IL1RAPL1: variants seen among roughly 807,000 people sequenced by gnomAD.
The protein encoded by IL1RAPL1 is interleukin 1 receptor accessory protein like 1.
In IL1RAPL1, 3 loss-of-function variants were observed where a neutral mutation model predicts 48.4. The ratio of observed to expected loss-of-function variants is 0.06; its 90% CI spans 0.03 to 0.16. The LOEUF (loss-of-function observed/expected upper bound fraction) is 0.16. Among genes scored for constraint, IL1RAPL1 ranks in the 10% least tolerant of loss-of-function variants. IL1RAPL1 has a pLI of 1.00. For missense variants in IL1RAPL1, 349 were observed against 530.6 expected, an observed-to-expected ratio of 0.66 and a Z score of 3.36; for synonymous variants, 185 against 187.7, an observed-to-expected ratio of 0.99 and a Z score of 0.12.
intron 2 of IL1RAPL1, among the ~76,000 whole-genome samples, chrX:29,148,883 G>A (rs1929402743): frequency 9.0e-6 from 1 of 111,453 alleles, no homozygotes; most frequent in South Asian, 3.8e-4. Flanking sequence ...AACGTACCCA[G>A]ATAATACCAG....
intron 5 of IL1RAPL1, among the ~76,000 whole-genome samples, chrX:29,493,827 C>G (rs1477345851): frequency 1.8e-5 from 2 of 110,965 alleles, no homozygotes; most frequent in Non-Finnish European, 3.8e-5. Flanking sequence ...TTGTCCCCTT[C>G]CCCCACTCCC....
intron 3 of IL1RAPL1, among the ~76,000 whole-genome samples, chrX:29,305,959 A>T (rs1035002228): frequency 1.8e-5 from 2 of 111,971 alleles, no homozygotes; most frequent in Admixed American, 1.9e-4. Flanking sequence ...GATGCTTACA[A>T]TTTTGGCATT....
chrX:29,036,929 A>T (rs1602023413), intron 2 of IL1RAPL1, among the ~76,000 whole-genome samples: 1 of 111,982 alleles, frequency 8.9e-6, no homozygotes, highest in East Asian at 2.8e-4. Flanking sequence ...TCTGTTGGGA[A>T]TATTGTATTA....
chrX:29,111,001 GA>G (rs780199961), intron 2 of IL1RAPL1, among the ~76,000 whole-genome samples: 1 of 109,194 alleles, frequency 9.2e-6, no homozygotes, highest in African/African-American at 3.3e-5. Flanking sequence ...TATAAATTTT[GA>G]AAAAAAAGGT....
intron 2 of IL1RAPL1, among the ~76,000 whole-genome samples, chrX:28,852,559 T>C (rs1406392153): frequency 9.0e-6 from 1 of 111,673 alleles, no homozygotes; most frequent in Non-Finnish European, 1.9e-5. Context: ...ATTTTGGCAT[T>C]TTATCCCACT....
intron 6 of IL1RAPL1, among the ~76,000 whole-genome samples, chrX:29,834,492 ATTT>A (rs34399580): frequency 8.2e-5 from 6 of 72,758 alleles, no homozygotes; most frequent in East Asian, 4.3e-4. Flanking sequence ...AAGAAAAAGG[ATTT>A]TTTTTTTTTT....
chrX:29,605,793 A>T (rs748808607), intron 5 of IL1RAPL1, among the ~76,000 whole-genome samples: 1 of 112,304 alleles, frequency 8.9e-6, no homozygotes, highest in South Asian at 3.7e-4. Flanking sequence ...AATGTATTAA[A>T]TGTGTAATGT....
chrX:29,860,120 A>G (rs1187890763), intron 6 of IL1RAPL1, among the ~76,000 whole-genome samples: 1 of 111,992 alleles, frequency 8.9e-6, no homozygotes, highest in African/African-American at 3.2e-5. Context: ...ATACTTCACA[A>G]AGGCTAGTAA....
At chrX:29,782,182 GGA>G (rs758047818) in intron 6 of IL1RAPL1, among the ~76,000 whole-genome samples, 52 of 109,010 alleles carry the variant, frequency 4.8e-4, no homozygotes, top group Non-Finnish European at 8.2e-4. Context: ...AGGTAGGGGA[GGA>G]GAGAGAGAGA....
At chrX:29,175,704 A>G (rs1391505898) in intron 2 of IL1RAPL1, among the ~76,000 whole-genome samples, 1 of 107,337 alleles carries the variant, frequency 9.3e-6, no homozygotes, top group Non-Finnish European at 1.9e-5. Flanking sequence ...AAATTAGCCG[A>G]GTGTGGTGGC....
At chrX:29,895,334 T>C (rs2147223203) in intron 6 of IL1RAPL1, among the ~76,000 whole-genome samples, 1 of 110,108 alleles carries the variant, frequency 9.1e-6, no homozygotes, top group South Asian at 4.1e-4. Context: ...GTGGATCACT[T>C]TAGGTCAGGA....
intron 1 of IL1RAPL1, among the ~76,000 whole-genome samples, chrX:28,754,194 T>G (rs1240282442): frequency 1.8e-5 from 2 of 111,771 alleles, no homozygotes; most frequent in African/African-American, 3.2e-5. Context: ...TCACTTGCTC[T>G]TTGATTTCTA....
At chrX:29,157,458 T>C (rs1352165019) in intron 2 of IL1RAPL1, among the ~76,000 whole-genome samples, 1 of 111,982 alleles carries the variant, frequency 8.9e-6, no homozygotes, top group African/African-American at 3.2e-5. Context: ...GTGTATATAT[T>C]TGTCCTCAAT....
intron 1 of IL1RAPL1, among the ~76,000 whole-genome samples, chrX:28,649,972 C>T (rs946731477): frequency 9.0e-6 from 1 of 111,627 alleles, no homozygotes; most frequent in Non-Finnish European, 1.9e-5. Flanking sequence ...GAGTTTTCTA[C>T]TAGATACTCA....
intron 6 of IL1RAPL1, among the ~76,000 whole-genome samples, chrX:29,889,227 C>A (rs760241746): frequency 9.0e-6 from 1 of 111,262 alleles, no homozygotes; most frequent in East Asian, 2.8e-4. Context: ...CTAAATACAG[C>A]CTATAAGGTT....
At chrX:29,685,997 G>A (rs1001274972) in intron 6 of IL1RAPL1, among the ~76,000 whole-genome samples, 1 of 109,500 alleles carries the variant, frequency 9.1e-6, no homozygotes, top group African/African-American at 3.3e-5. Context: ...AAAAAAAAAA[G>A]AAAGAAAGAA....
intron 2 of IL1RAPL1, among the ~76,000 whole-genome samples, chrX:29,035,898 A>G (rs1392485749): frequency 8.9e-6 from 1 of 112,163 alleles, no homozygotes; most frequent in Non-Finnish European, 1.9e-5. Context: ...TGTTTGTCAT[A>G]TTTAAATGAT....
chrX:28,652,724 C>A (rs1156852644), intron 1 of IL1RAPL1, among the ~76,000 whole-genome samples: 3 of 110,761 alleles, frequency 2.7e-5, no homozygotes, highest in Non-Finnish European at 3.8e-5. Context: ...AAAATGATAC[C>A]ATTTACACAA....
intron 3 of IL1RAPL1, among the ~76,000 whole-genome samples, chrX:29,334,725 G>A (rs1350622020): frequency 3.8e-4 from 42 of 111,532 alleles, no homozygotes; most frequent in African/African-American, 9.3e-4. Flanking sequence ...ATGGGCGGCC[G>A]GGCAGAGACG....
Sources: gnomAD v4.1 joint callset for allele counts (sites outside exome capture counted in the v4.1 genomes callset) on GRCh38, gnomAD v4.1.1 for gene constraint, MANE v1.5 for transcripts, NCBI Gene and HGNC (gene_info 2026-07-23, HGNC 2026-07-21) for gene names.